The following CNTRL variants were observed in gnomAD, a reference collection of about 807,000 sequenced individuals.
CNTRL encodes the protein 110 kDa centrosomal protein.
In CNTRL, 233 loss-of-function variants were observed where a neutral mutation model predicts 303.7. That is an observed-to-expected ratio of 0.77 (90% CI 0.69 to 0.86). The LOEUF (loss-of-function observed/expected upper bound fraction) is 0.86, where lower values mean the gene tolerates loss of function less well. Among genes scored for constraint, CNTRL ranks in the 40% least tolerant of loss-of-function variants. CNTRL has a pLI of 0.00. For missense variants in CNTRL, 2,524 were observed against 2,650.6 expected, an observed-to-expected ratio of 0.95 and a Z score of 1.05; for synonymous variants, 900 against 922.2, an observed-to-expected ratio of 0.98 and a Z score of 0.44.
At chr9:121,139,239 G>A (rs2051366495) in intron 16 of CNTRL, among the ~76,000 whole-genome samples, 2 of 152,232 alleles carry the variant, frequency 1.3e-5, no homozygotes, top group Admixed American at 6.5e-5. Context: ...AAAAACAGGT[G>A]GATAGGATTT....
rs777243960 is a variant in CNTRL, at chr9:121,140,757, A to G, written c.2454A>G (p.Arg818=). 6.2e-7 allele frequency: 1 copy of G among 1,612,694 alleles called. No homozygotes were observed. The highest frequency in any genetic ancestry group is 2.2e-5 in the East Asian group (1 of 44,826). The change falls in exon 17 of 44, where the codon AGA becomes AGG. Residue 818 remains arginine, a synonymous_variant. Transcript: ENST00000373855. ...CAGCTCGTGTGGATGAGCTAAGAAG[A>G]AAACTGAAATTAGGAACTGGGGAAA... ...EVAARVDELR[R]KLKLGTGEMN...
chr9:121,140,576 A>T, intron 16 of CNTRL, 65 bp from the exon 17 acceptor site: 2 of 1,397,368 alleles, frequency 1.4e-6, no homozygotes, highest in Non-Finnish European at 9.7e-7. Context: ...TATGTTTGTT[A>T]GTTCGTTAGT....
At chr9:121,098,970 C>T (rs1278714717) in intron 7 of CNTRL, among the ~76,000 whole-genome samples, 2 of 152,142 alleles carry the variant, frequency 1.3e-5, no homozygotes, top group African/African-American at 4.8e-5. Flanking sequence ...GGGGAGGGAG[C>T]AGCTTGTTCT....
At chr9:121,124,944 GAAA>G (rs5900472) in intron 13 of CNTRL, among the ~76,000 whole-genome samples, 15 of 135,868 alleles carry the variant, frequency 1.1e-4, no homozygotes, top group African/African-American at 1.9e-4. Flanking sequence ...AACTTTGTCT[GAAA>G]AAAAAAAAAA....
intron 10 of CNTRL, among the ~76,000 whole-genome samples, chr9:121,113,974 T>A (rs2049868453): frequency 6.6e-6 from 1 of 152,142 alleles, no homozygotes; most frequent in African/African-American, 2.4e-5. Context: ...CAAGAATGAG[T>A]AAATCCCCTC....
chr9:121,130,182 T>C (rs1199629377), intron 14 of CNTRL, among the ~76,000 whole-genome samples: 1 of 152,206 alleles, frequency 6.6e-6, no homozygotes, highest in African/African-American at 2.4e-5. Flanking sequence ...TTTCTATTCA[T>C]TGGAAGAGTT....
intron 39 of CNTRL, among the ~76,000 whole-genome samples, chr9:121,170,446 T>C (rs570963869): frequency 6.6e-6 from 1 of 151,810 alleles, no homozygotes; most frequent in African/African-American, 2.4e-5. Flanking sequence ...GCCTGGCTCA[T>C]AGAGAGTTTA....
rs1341699203 is a variant in CNTRL at position 121,165,049 on chromosome 9, G to T, written c.5530G>T (p.Asp1844Tyr). Residue 1844 changes from aspartate (D) to tyrosine (Y), a missense_variant, in exon 35 of 44, where the codon GAC becomes TAC. Physicochemically the swap from Asp to Tyr is radical, Grantham distance 160. Coordinates refer to ENST00000373855, the MANE Select transcript of CNTRL (RefSeq NM_007018.6). The part of the protein sequence containing the change: ...LQQELDQLNR[D>Y]KLSLHNDISA... ...GCAGGAACTAGACCAACTAAACAGA[G>T]ACAAGTTGTCACTGCATAACGACAT... The T allele has an allele frequency of 1.2e-6, 2 of 1,606,982 alleles. No homozygotes were observed. Among genetic ancestry groups the T allele is most frequent in the Non-Finnish European group, 1.7e-6 (2 of 1,177,504 alleles).
intron 31 of CNTRL, among the ~76,000 whole-genome samples, chr9:121,159,386 C>G (rs2131714293): frequency 6.6e-6 from 1 of 152,300 alleles, no homozygotes; most frequent in Admixed American, 6.5e-5. Context: ...GTAATCCCAG[C>G]ACTTTGGGAG....
rs1375211254 is a variant in CNTRL, at chr9:121,150,374, C to T, written c.3854C>T (p.Pro1285Leu). The change falls in exon 25 of 44, where the codon CCA becomes CTA. Residue 1285 changes from proline to leucine, a missense_variant. Physicochemically the swap from Pro to Leu is moderately conservative, Grantham distance 98 (BLOSUM62 -3). Transcript: ENST00000373855. Reference protein sequence around the residue: ...PLTPGTVVYGPPPAGAPMVYG... With the variant: ...PLTPGTVVYGLPPAGAPMVYG... ...ACCCCTGGCACTGTTGTTTATGGCC[C>T]ACCTCCTGCTGGGGCCCCCATGGTG... is the stretch of plus-strand genomic sequence containing the variant. 1.2e-6 allele frequency: 2 copies of T among 1,614,168 alleles called. No homozygotes were observed. The highest frequency in any genetic ancestry group is 1.1e-5 in the South Asian group (1 of 91,078).
chr9:121,105,836 A>G (rs982838271), intron 7 of CNTRL, among the ~76,000 whole-genome samples: 16 of 152,244 alleles, frequency 1.1e-4, no homozygotes, highest in Admixed American at 2.6e-4. Context: ...TGGCTTGAAG[A>G]GTGAATAGGA....
In CNTRL at chr9:121,175,186, T is replaced by TCTTCCCTCACAGAGGACTCTCAA; in HGVS notation, c.6920_6942dup (p.Gly2315ProfsTer26). 6.2e-7 allele frequency: 1 copy of TCTTCCCTCACAGAGGACTCTCAA among 1,614,034 alleles called. No homozygotes were observed. Among genetic ancestry groups the TCTTCCCTCACAGAGGACTCTCAA allele is most frequent in the Non-Finnish European group, 8.5e-7 (1 of 1,180,002 alleles). On this transcript the variant is annotated frameshift_variant, in exon 43 of 44. Coordinates refer to ENST00000373855, the MANE Select transcript of CNTRL (RefSeq NM_007018.6). LOFTEE classifies it high-confidence loss of function. ...ATCACCCAGTCTGTCTCAGCTGGAG[T>TCTTCCCTCACAGAGGACTCTCAA]CTTCCCTCACAGAGGACTCTCAACT...
chr9:121,106,980 G>C (rs1226803168), intron 7 of CNTRL, among the ~76,000 whole-genome samples: 1 of 152,100 alleles, frequency 6.6e-6, no homozygotes, highest in Non-Finnish European at 1.5e-5. Flanking sequence ...GGTGAGCCAG[G>C]TAGATGTAGT....
intron 14 of CNTRL, among the ~76,000 whole-genome samples, chr9:121,128,173 C>T (rs898168521): frequency 6.6e-6 from 1 of 152,110 alleles, no homozygotes; most frequent in South Asian, 2.1e-4. Context: ...AATGGGATCG[C>T]TGGGTCAAAT....
At chr9:121,087,728 C>T (rs571357731) in intron 2 of CNTRL, among the ~76,000 whole-genome samples, 23 of 152,130 alleles carry the variant, frequency 1.5e-4, no homozygotes, top group Middle Eastern at 3.4e-3. Flanking sequence ...AAACACATGG[C>T]ATTGGGAACC....
chr9:121,163,640 T>C (rs1192636913), intron 34 of CNTRL, among the ~76,000 whole-genome samples: 6 of 152,078 alleles, frequency 3.9e-5, no homozygotes, highest in Non-Finnish European at 5.9e-5. Context: ...AGAATACATG[T>C]ATAAAGAACT....
At position 121,167,545 on chromosome 9, in the gene CNTRL, C is replaced by T. The variant is rs776746166; in HGVS notation, c.5712C>T (p.Leu1904=). 2 of 1,613,872 alleles carry T rather than the reference C, an allele frequency of 1.2e-6. No individual in the cohort carries two copies. Among genetic ancestry groups the T allele is most frequent in the African/African-American group, 2.7e-5 (2 of 74,868 alleles). ...TGTTGCTCAGTGAGCAGACCCGACT[C>T]CAGAAGGACATCAGTGAATGGGCAA... The part of the protein sequence containing the change: ...QDVLLSEQTR[L]QKDISEWANR... Residue 1904 remains leucine, a synonymous_variant, in exon 37 of 44, where the codon CTC becomes CTT. Coordinates refer to ENST00000373855, the MANE Select transcript of CNTRL (RefSeq NM_007018.6).
intron 6 of CNTRL, among the ~76,000 whole-genome samples, chr9:121,097,217 G>A (rs2048928769): frequency 6.6e-6 from 1 of 151,984 alleles, no homozygotes; most frequent in Non-Finnish European, 1.5e-5. Flanking sequence ...ATTTAAATTT[G>A]TATTAAAATT....
chr9:121,088,204 T>A (rs750331204), intron 2 of CNTRL, 92 bp from the exon 3 acceptor site: 9 of 659,526 alleles, frequency 1.4e-5, no homozygotes, highest in Non-Finnish European at 2.1e-5. Context: ...GGCCTCTGAG[T>A]TTATAACTTT....
Sources: gnomAD v4.1 joint callset for allele counts (sites outside exome capture counted in the v4.1 genomes callset) on GRCh38, gnomAD v4.1.1 for gene constraint, MANE v1.5 for transcripts, NCBI Gene and HGNC (gene_info 2026-07-23, HGNC 2026-07-21) for gene names.